Variants in CD5 observed in about 807,000 individuals in gnomAD.
CD5 encodes the protein T-cell surface glycoprotein CD5.
Under a neutral mutation model 60.3 loss-of-function variants are expected in CD5, and 36 were observed. The observed-to-expected ratio is 0.60, with a 90% CI of 0.46 to 0.79. The LOEUF is 0.79. CD5 is among the 30% of genes least tolerant of loss of function. CD5 has a pLI of 0.00. For missense variants in CD5, 540 were observed against 630.6 expected, an observed-to-expected ratio of 0.86 and a Z score of 1.54; for synonymous variants, 230 against 257.6, an observed-to-expected ratio of 0.89 and a Z score of 1.03.
chr11:61,116,414 CACAT>C (rs953215670), intron 2 of CD5, among the ~76,000 whole-genome samples: 1 of 148,562 alleles, frequency 6.7e-6, no homozygotes, highest in South Asian at 2.1e-4. Context: ...ACACACACCA[CACAT>C]ACACACAACC....
chr11:61,113,837 T>A (rs1161223543), intron 1 of CD5, among the ~76,000 whole-genome samples: 1 of 152,002 alleles, frequency 6.6e-6, no homozygotes, highest in Non-Finnish European at 1.5e-5. Context: ...CCGAGCTAAT[T>A]TTTGTTATTT....
chr11:61,123,089 C>G, intron 7 of CD5, 57 bp downstream of exon 7: 1 of 1,526,036 alleles, frequency 6.6e-7, no homozygotes, highest in Non-Finnish European at 8.9e-7. Context: ...GGAGGGGCTG[C>G]ACTAGAGTCC....
intron 1 of CD5, among the ~76,000 whole-genome samples, chr11:61,106,285 G>A (rs1041760153): frequency 3.9e-5 from 6 of 152,152 alleles, no homozygotes; most frequent in Admixed American, 1.3e-4. Flanking sequence ...CTAAGGAGGC[G>A]AGGTCTCATC....
intron 1 of CD5, among the ~76,000 whole-genome samples, chr11:61,113,493 C>T (rs1385109241): frequency 6.6e-6 from 1 of 152,208 alleles, no homozygotes; most frequent in East Asian, 1.9e-4. Context: ...CCTTGGCTCC[C>T]TTGTCAACTA....
chr11:61,094,207 C>G, the CD5 span, among the ~76,000 whole-genome samples: 1 of 151,852 alleles, frequency 6.6e-6, no homozygotes, highest in Admixed American at 6.6e-5. Flanking sequence ...GCAATTGCCC[C>G]AGTGGAATGC....
intron 5 of CD5, 86 bp from the exon 6 acceptor site, chr11:61,121,525 T>G: frequency 1.7e-6 from 2 of 1,177,676 alleles, no homozygotes; most frequent in South Asian, 2.1e-5. Flanking sequence ...AGGGCCCCGA[T>G]TTGCCAGTGG....
intron 1 of CD5, among the ~76,000 whole-genome samples, chr11:61,103,030 C>T (rs1010884591): frequency 4.0e-4 from 61 of 152,232 alleles, no homozygotes; most frequent in African/African-American, 1.4e-3. Context: ...CATGGAAACT[C>T]GCCGTCTCCG....
Position 61,121,823 on chromosome 11 carries a change from C to T in CD5, c.1018C>T (p.Leu340Phe). 1.9e-6 allele frequency: 3 copies of T among 1,601,912 alleles called. No individual in the cohort carries two copies. Among genetic ancestry groups the T allele is most frequent in the Non-Finnish European group, 2.6e-6 (3 of 1,171,342 alleles). Residue 340 changes from leucine to phenylalanine, a missense_variant, in exon 6 of 11, where the codon CTC becomes TTC. Coordinates refer to ENST00000347785, the MANE Select transcript of CD5 (RefSeq NM_014207.4). ...LDAGDPTSRG[L>F]FCPHQKLSQC... is the part of the protein sequence containing the mutation. ...CGCTGGTGACCCAACATCCCGGGGG[C>T]TCTTCTGTCCCCATCAGAAGCTGTC...
At chr11:61,119,699 G>C in intron 5 of CD5, 124 bp downstream of exon 5, 1 of 705,628 alleles carries the variant, frequency 1.4e-6, no homozygotes, top group South Asian at 1.9e-5. Context: ...AAGGGAAGTG[G>C]AGGCCTGGTC....
intron 5 of CD5, 89 bp from the exon 6 acceptor site, chr11:61,121,522 C>T (rs1012158403): frequency 8.5e-6 from 10 of 1,175,568 alleles, no homozygotes; most frequent in East Asian, 5.5e-5. Context: ...GCCAGGGCCC[C>T]GATTTGCCAG....
chr11:61,115,115 G>T, intron 2 of CD5, 21 bp downstream of exon 2: 1 of 1,551,906 alleles, frequency 6.4e-7, no homozygotes, highest in Non-Finnish European at 8.7e-7. Flanking sequence ...GCCACATGGA[G>T]AAAGGCCTGG....
intron 1 of CD5, among the ~76,000 whole-genome samples, chr11:61,103,840 GT>G (rs1298884493): frequency 8.5e-6 from 1 of 117,518 alleles, no homozygotes; most frequent in African/African-American, 3.4e-5. Context: ...TGAGTACTGT[GT>G]GGGGGGGAAT....
At position 61,126,504 on chromosome 11, in the gene CD5, TGGGCAGA is replaced by T. The variant is rs1015596498; in HGVS notation, c.*221_*227del. ...GCCCCTCCACTTGTGGAAGCTGTGG[TGGGCAGA>T]GCCCCAAAACAAGCAGCCTTCCAAC... On this transcript the variant is annotated 3_prime_UTR_variant, in exon 11 of 11. Coordinates refer to ENST00000347785, the MANE Select transcript of CD5 (RefSeq NM_014207.4). The T allele has an allele frequency of 6.6e-6, 1 of 152,190 alleles. No homozygotes were observed. Among genetic ancestry groups the T allele is most frequent in the Non-Finnish European group, 1.5e-5 (1 of 68,058 alleles). 9.4% of individuals were successfully genotyped at this position (152,190 alleles called of 1,614,324 possible).
In CD5 at chr11:61,122,968, G is replaced by C. The variant is rs1861090397; in HGVS notation, c.1161G>C (p.Leu387=). The C allele has an allele frequency of 1.2e-6, 2 of 1,614,102 alleles. No individual in the cohort carries two copies. The highest frequency in any genetic ancestry group is 1.7e-4 in the Middle Eastern group (1 of 6,060). The change falls in exon 7 of 11, where the codon CTG becomes CTC. Residue 387 remains leucine, a synonymous_variant. Transcript: ENST00000347785. ...AGTVASIILA[L]VLLVVLLVVC... Reference sequence around the variant, plus strand: ...CGGTGGCAAGCATCATCCTGGCCCTGGTGCTCCTGGTGGTGCTGCTGGTCG... The same window carrying C: ...CGGTGGCAAGCATCATCCTGGCCCTCGTGCTCCTGGTGGTGCTGCTGGTCG...
At chr11:61,104,958 C>A (rs1293385727) in intron 1 of CD5, among the ~76,000 whole-genome samples, 1 of 152,244 alleles carries the variant, frequency 6.6e-6, no homozygotes, top group African/African-American at 2.4e-5. Flanking sequence ...TGGGACACAA[C>A]CTCCACCAGC....
intron 4 of CD5, 117 bp downstream of exon 4, chr11:61,119,094 C>T (rs1444188861): frequency 2.0e-5 from 23 of 1,176,912 alleles, no homozygotes; most frequent in Middle Eastern, 2.0e-4. Context: ...GTGTGTTCTA[C>T]GCAATATTTG....
Position 61,119,379 on chromosome 11 carries a change from C to A in CD5, c.609C>A (p.Asn203Lys). 1 of 1,614,226 alleles carries A rather than the reference C, an allele frequency of 6.2e-7. No homozygotes were observed. The change falls in exon 5 of 11, where the codon AAC becomes AAA. Residue 203 changes from asparagine (N) to lysine (K), a missense_variant. Coordinates refer to ENST00000347785, the MANE Select transcript of CD5 (RefSeq NM_014207.4). ...ACCTGGAGAACTTCCTCTGCAACAA[C>A]CTCCAGTGTGGCTCCTTCTTGAAGC... ...TQDLENFLCN[N>K]LQCGSFLKHL... is the part of the protein sequence containing the mutation.
intron 1 of CD5, among the ~76,000 whole-genome samples, chr11:61,102,921 T>C (rs1444988791): frequency 6.6e-6 from 1 of 152,158 alleles, no homozygotes; most frequent in Non-Finnish European, 1.5e-5. Context: ...CCCAGACAAC[T>C]TGATTCCTAG....
the CD5 span, among the ~76,000 whole-genome samples, chr11:61,095,674 G>T: frequency 6.6e-6 from 1 of 152,120 alleles, no homozygotes; most frequent in Non-Finnish European, 1.5e-5. Flanking sequence ...CTGAACGAGG[G>T]ACCAGACATG....
Sources: allele counts gnomAD v4.1 joint callset (sites outside exome capture counted in the v4.1 genomes callset), GRCh38; gene constraint gnomAD v4.1.1; transcripts MANE v1.5; gene names NCBI Gene and HGNC (gene_info 2026-07-23, HGNC 2026-07-21).